RIT2: variants seen among roughly 807,000 people sequenced by gnomAD.
RIT2 encodes GTP-binding protein Rit2.
In RIT2, 24 loss-of-function variants were observed where a neutral mutation model predicts 23.7. The ratio of observed to expected loss-of-function variants is 1.01; its 90% CI spans 0.73 to 1.43. The LOEUF is 1.43. Among genes scored for constraint, RIT2 ranks in the 40% most tolerant of loss-of-function variants. RIT2 has a pLI of 0.00. For missense variants in RIT2, 236 were observed against 266.9 expected (o/e 0.88, Z 0.81); for synonymous variants, 107 against 91.1 (o/e 1.17, Z -0.99).
chr18:42,890,360 A>T (rs1010382360), intron 4 of RIT2, among the ~76,000 whole-genome samples: 1 of 152,140 alleles, frequency 6.6e-6, no homozygotes, highest in Non-Finnish European at 1.5e-5. Flanking sequence ...TGAGAATTTT[A>T]AAGTAGTTTT....
At chr18:42,984,076 C>A (rs953943322) in intron 2 of RIT2, among the ~76,000 whole-genome samples, 1 of 152,078 alleles carries the variant, frequency 6.6e-6, no homozygotes, top group African/African-American at 2.4e-5. Flanking sequence ...GACATGTTCA[C>A]ACATGAACAC....
chr18:42,783,014 A>G (rs1405817252), intron 4 of RIT2, among the ~76,000 whole-genome samples: 2 of 152,116 alleles, frequency 1.3e-5, no homozygotes, highest in African/African-American at 2.4e-5. Flanking sequence ...ATGCCAGTGG[A>G]CCAACCAGGA....
intron 1 of RIT2, among the ~76,000 whole-genome samples, chr18:43,066,457 A>G (rs1912772859): frequency 6.6e-6 from 1 of 152,222 alleles, no homozygotes; most frequent in Non-Finnish European, 1.5e-5. Context: ...TAAATATTTC[A>G]GAGGATTTCA....
intron 4 of RIT2, among the ~76,000 whole-genome samples, chr18:42,875,606 A>G (rs1400849491): frequency 6.6e-6 from 1 of 152,030 alleles, no homozygotes; most frequent in Non-Finnish European, 1.5e-5. Context: ...ACTATTGTTT[A>G]AAAGCATGTT....
chr18:43,036,372 T>C (rs1911975576), intron 1 of RIT2, among the ~76,000 whole-genome samples: 1 of 152,078 alleles, frequency 6.6e-6, no homozygotes, highest in South Asian at 2.1e-4. Flanking sequence ...AAATCCCATC[T>C]CTACTAAAAA....
chr18:42,822,490 C>T lies in RIT2; in HGVS notation c.427-78770G>A, dbSNP rs74393014. Among the ~76,000 whole-genome samples the T allele has an allele frequency of 8.5e-3, 1,298 of 152,210 alleles. 19 individuals carry two copies. The highest frequency in any genetic ancestry group is 0.014 in the Non-Finnish European group (928 of 67,990). ...TTAGATTTTATACTCTAGTCAGTTT[C>T]ATCTGCAATGGTTGGTTCCAATACA... On this transcript the variant is annotated intron_variant, in intron 4 of 4. Coordinates refer to ENST00000326695, the MANE Select transcript of RIT2 (RefSeq NM_002930.4).
intron 4 of RIT2, among the ~76,000 whole-genome samples, chr18:42,859,295 T>C (rs1907265806): frequency 6.6e-6 from 1 of 152,218 alleles, no homozygotes; most frequent in African/African-American, 2.4e-5. Context: ...ATTTCCTCAA[T>C]GACTAATAAT....
intron 1 of RIT2, among the ~76,000 whole-genome samples, chr18:43,101,877 A>G (rs1471690776): frequency 6.6e-6 from 1 of 152,210 alleles, no homozygotes; most frequent in Non-Finnish European, 1.5e-5. Flanking sequence ...AAGCTCATTC[A>G]TTAAGACGGA....
intron 1 of RIT2, among the ~76,000 whole-genome samples, chr18:43,073,075 C>A (rs1030720968): frequency 6.6e-6 from 1 of 152,114 alleles, no homozygotes; most frequent in Non-Finnish European, 1.5e-5. Flanking sequence ...AGAAATGTAA[C>A]AATAACTTAA....
rs1279330041 is a variant in RIT2 at position 42,910,696 on chromosome 18, G to C, written c.426+12876C>G. Among the ~76,000 whole-genome samples, 5 of 152,096 alleles carry C rather than the reference G, an allele frequency of 3.3e-5. No individual in the cohort carries two copies. The East Asian group carries it at 9.7e-4, about 29-fold the overall frequency. ...TAGTTGGAGAGATTGGCTGCGGGAT[G>C]AGCATACTCCAGGGGATGATCATCT... On this transcript the variant is annotated intron_variant, in intron 4 of 4. Transcript: ENST00000326695.
chr18:42,868,118 A>G (rs1907521253), intron 4 of RIT2, among the ~76,000 whole-genome samples: 1 of 152,076 alleles, frequency 6.6e-6, no homozygotes, highest in Admixed American at 6.6e-5. Flanking sequence ...ACACAAGCAT[A>G]TTTTTCCACA....
At chr18:42,920,846 T>G (rs1909038574) in intron 4 of RIT2, 1 of 924,324 alleles carries the variant, frequency 1.1e-6, no homozygotes. Context: ...ATTTCACCGT[T>G]GAGAGTTTAA....
intron 1 of RIT2, among the ~76,000 whole-genome samples, chr18:43,106,349 T>C (rs948100224): frequency 6.6e-6 from 1 of 152,238 alleles, no homozygotes. Flanking sequence ...ACTGGTAAAG[T>C]GTCTAAGGAC....
intron 1 of RIT2, among the ~76,000 whole-genome samples, chr18:43,042,112 T>C (rs2144295415): frequency 6.6e-6 from 1 of 152,270 alleles, no homozygotes; most frequent in Non-Finnish European, 1.5e-5. Flanking sequence ...AGAATTGATG[T>C]CCTGTCAGTG....
At chr18:42,854,793 T>G (rs904280396) in intron 4 of RIT2, among the ~76,000 whole-genome samples, 8 of 152,204 alleles carry the variant, frequency 5.3e-5, no homozygotes, top group Non-Finnish European at 1.2e-4. Flanking sequence ...ACCTTGGCCT[T>G]ACTGTATCCA....
At chr18:43,014,788 T>C (rs1333009188) in intron 2 of RIT2, among the ~76,000 whole-genome samples, 1 of 151,660 alleles carries the variant, frequency 6.6e-6, no homozygotes, top group Non-Finnish European at 1.5e-5. Context: ...TAAGTTAATC[T>C]ATTGAAAAGA....
In RIT2 at chr18:43,024,218, C is replaced by A. The variant is rs555994559; in HGVS notation, c.160+9593G>T. On this transcript the variant is annotated intron_variant, in intron 2 of 4. Transcript: ENST00000326695. ...CTGGTATAAAAATAGACACATAGAT[C>A]AATGACACAGAATAGAAGGCCAGAA... Among the ~76,000 whole-genome samples, 180 of 152,058 alleles carry A rather than the reference C, an allele frequency of 1.2e-3. 1 individual carries two copies. The highest frequency in any genetic ancestry group is 4.2e-3 in the African/African-American group (174 of 41,516).
intron 1 of RIT2, among the ~76,000 whole-genome samples, chr18:43,102,359 T>A (rs1018615124): frequency 6.6e-6 from 1 of 152,080 alleles, no homozygotes; most frequent in Admixed American, 6.6e-5. Context: ...GTAAACAATG[T>A]TCTGAAGTCT....
chr18:42,990,009 ATGTGTG>A (rs5824463), intron 2 of RIT2, among the ~76,000 whole-genome samples: 88,480 of 148,734 alleles, frequency 0.59, 28,217 homozygotes, highest in Non-Finnish European at 0.71. Flanking sequence ...ATTTACAGAT[ATGTGTG>A]TGTGTGTGTG....
Sources: gnomAD v4.1 joint callset for allele counts (sites outside exome capture counted in the v4.1 genomes callset) on GRCh38, gnomAD v4.1.1 for gene constraint, MANE v1.5 for transcripts, NCBI Gene and HGNC (gene_info 2026-07-23, HGNC 2026-07-21) for gene names.